The following SMARCA1 variants were observed in gnomAD, a reference collection of about 807,000 sequenced individuals.
The protein encoded by SMARCA1 is SWI/SNF-related matrix-associated actin-dependent regulator of chromatin subfamily A member 1.
SMARCA1 carries 17 observed loss-of-function variants against 93.6 expected under a neutral mutation model. That is an observed-to-expected ratio of 0.18 (90% confidence interval 0.12 to 0.27). The LOEUF (loss-of-function observed/expected upper bound fraction) is 0.27. Ranked by LOEUF, SMARCA1 falls within the 10% of genes least tolerant of loss-of-function variation. The probability of loss-of-function intolerance (pLI) is 1.00; values close to 1 mark genes in which losing one functional copy is unlikely to be tolerated. For missense variants in SMARCA1, 630 were observed against 819.0 expected (o/e 0.77, Z 2.82); for synonymous variants, 271 against 271.4 (o/e 1.00, Z 0.01).
chrX:129,480,512 T>G (rs1351246055), intron 19 of SMARCA1, among the ~76,000 whole-genome samples, 189 bp downstream of exon 19: 1 of 112,333 alleles, frequency 8.9e-6, no homozygotes, highest in Non-Finnish European at 1.9e-5. Flanking sequence ...TAGTGATGAC[T>G]GTACTGGTGA....
At chrX:129,482,873 CTCTACTTGATCTAATCTAAGGGCTGAA>C (rs1178158086) in intron 17 of SMARCA1, among the ~76,000 whole-genome samples, 1 of 111,670 alleles carries the variant, frequency 9.0e-6, no homozygotes, top group African/African-American at 3.3e-5. Flanking sequence ...AGTTGTCTCA[CTCTACTTGATCTAATCTAAGGGCTGAA>C]TTCCAACCTT....
chrX:129,464,013 C>T (rs1294072474), intron 23 of SMARCA1, among the ~76,000 whole-genome samples: 1 of 111,921 alleles, frequency 8.9e-6, no homozygotes, highest in Non-Finnish European at 1.9e-5. Context: ...TTCAACTGAT[C>T]CATCATTCCA....
chrX:129,476,136 T>C (rs1247541727), intron 19 of SMARCA1, among the ~76,000 whole-genome samples: 2 of 112,237 alleles, frequency 1.8e-5, no homozygotes, highest in African/African-American at 6.5e-5. Flanking sequence ...CCTCTTCCAA[T>C]ATAAAGGTTT....
In SMARCA1 at chrX:129,504,569, A is replaced by AAC. The variant is rs1556313746; in HGVS notation, c.1167+164_1167+165insGT. Among the ~76,000 whole-genome samples the AAC allele has an allele frequency of 2.5e-4, 25 of 98,403 alleles. No homozygotes were observed. In the East Asian group the frequency reaches 3.4e-3, roughly 13 times the overall value. The allele number at this position is 98,403 out of a possible 115,157, so 85.5% of individuals were successfully genotyped here. ...AGGAATAAAAAAAAAAAAAAAAAAA[A>AAC]AAAAAAAAAAAACAAAGAGGCTGTC... On this transcript the variant is annotated intron_variant, in intron 9 of 24. Coordinates refer to ENST00000371121, the MANE Select transcript of SMARCA1 (RefSeq NM_001282874.2).
At chrX:129,450,814 G>A (rs1684550017) in intron 23 of SMARCA1, among the ~76,000 whole-genome samples, 1 of 111,214 alleles carries the variant, frequency 9.0e-6, no homozygotes, top group Non-Finnish European at 1.9e-5. Flanking sequence ...CAAATTTTCT[G>A]CAATGAACAT....
chrX:129,463,275 G>T (rs1932837235), intron 23 of SMARCA1, among the ~76,000 whole-genome samples: 1 of 111,437 alleles, frequency 9.0e-6, no homozygotes, highest in African/African-American at 3.3e-5. Flanking sequence ...ACCCCAAATG[G>T]CTAAAAGATT....
Position 129,447,184 on chromosome X carries a change from T to C in SMARCA1, c.3191A>G (p.Asp1064Gly). ...ESATESSGKK[D>G]VKKVKS ...GCTTTAGGATTTCACCTTCTTGACA[T>C]CCTTCTTTCCAGAGCTCTCAGTAGC... is the stretch of plus-strand genomic sequence containing the variant. Residue 1064 changes from aspartate (D) to glycine (G), a missense_variant, in exon 25 of 25, where the codon GAT becomes GGT. Physicochemically the swap from Asp to Gly is moderately conservative, Grantham distance 94 (BLOSUM62 -1). Around this residue, in one of 4 missense-constraint regions of SMARCA1, gnomAD observed 93 missense variants for 160.8 expected, o/e 0.58. Coordinates refer to ENST00000371121, the MANE Select transcript of SMARCA1 (RefSeq NM_001282874.2). 3 of 1,146,963 alleles carry C rather than the reference T, an allele frequency of 2.6e-6. No individual in the cohort carries two copies. The highest frequency in any genetic ancestry group is 3.5e-6 in the Non-Finnish European group (3 of 867,153). 94.5% of individuals were successfully genotyped at this position (1,146,963 alleles called of 1,213,427 possible). A position where few individuals can be genotyped will look rare whatever the true frequency, so the allele number is the denominator to read the frequency against.
chrX:129,459,273 G>A (rs1326134848), intron 23 of SMARCA1, among the ~76,000 whole-genome samples: 2 of 111,157 alleles, frequency 1.8e-5, no homozygotes, highest in Non-Finnish European at 3.8e-5. Flanking sequence ...ACAAAAATCA[G>A]CTGGGCGTGG....
In SMARCA1 at chrX:129,516,465, T is replaced by A; in HGVS notation, c.294A>T (p.Leu98Phe). 8.3e-7 allele frequency: 1 copy of A among 1,207,856 alleles called. No homozygotes were observed. The highest frequency in any genetic ancestry group is 1.1e-6 in the Non-Finnish European group (1 of 893,861). The part of the protein sequence containing the change: ...KADRAKRFEF[L>F]LKQTELFAHF... Reference sequence around the variant, plus strand: ...GTGCAAAAAGTTCTGTCTGCTTCAGTAAAAATTCAAATCTCTTTGCTCGGT... The same window carrying A: ...GTGCAAAAAGTTCTGTCTGCTTCAGAAAAAATTCAAATCTCTTTGCTCGGT... Residue 98 changes from leucine (L) to phenylalanine (F), a missense_variant, in exon 3 of 25, where the codon TTA (leucine) becomes TTT (phenylalanine). Around this residue, in one of 4 missense-constraint regions of SMARCA1, gnomAD observed 382 missense variants for 537.9 expected, o/e 0.71. Transcript: ENST00000371121.
rs189411721 is a variant in SMARCA1, at chrX:129,466,826, C to A, written c.2699-864G>T. On this transcript the variant is annotated intron_variant, in intron 21 of 24. Coordinates refer to ENST00000371121, the MANE Select transcript of SMARCA1 (RefSeq NM_001282874.2). The stretch of plus-strand genomic sequence containing the variant: ...TGTGTTTTTAAACTTACTTGGAATA[C>A]CCTTTTCTCATAAAAAAAAAAAAAA... 1.4e-3 allele frequency among the ~76,000 whole-genome samples: 135 copies of A among 99,460 alleles called. 1 individual carries two copies. The highest frequency in any genetic ancestry group is 2.5e-3 in the Non-Finnish European group (128 of 50,495). The allele number at this position is 99,460 out of a possible 115,157, so 86.4% of individuals were successfully genotyped here.
chrX:129,461,069 CTCTT>C (rs1361398763), intron 23 of SMARCA1, among the ~76,000 whole-genome samples: 6 of 111,719 alleles, frequency 5.4e-5, no homozygotes, highest in Admixed American at 9.5e-5. Context: ...GTATGTGATT[CTCTT>C]TCTGAGATGC....
chrX:129,471,399 C>G (rs1176814000), intron 19 of SMARCA1, 73 bp from the exon 20 acceptor site: 28 of 663,997 alleles, frequency 4.2e-5, no homozygotes, highest in Non-Finnish European at 6.2e-5. Flanking sequence ...ATACACATAT[C>G]AATCTTTAGA....
Position 129,468,777 on chromosome X carries a change from A to G in SMARCA1, c.2694T>C (p.Tyr898=), listed in dbSNP as rs762586961. Reference sequence around the variant, plus strand: ...TGTTTCAAATTATATACAAACCTGAATACTCCATGACCTCCTCAGGGGATT... The same window carrying G: ...TGTTTCAAATTATATACAAACCTGAGTACTCCATGACCTCCTCAGGGGATT... ...EGKSPEEVME[Y]SAVFWERCNE... is the part of the protein sequence containing the mutation. Residue 898 remains tyrosine (Y), a synonymous_variant, in exon 21 of 25, where the codon TAT becomes TAC. Transcript: ENST00000371121. 3.3e-5 allele frequency: 39 copies of G among 1,172,958 alleles called. No individual in the cohort carries two copies. The East Asian group carries it at 1.2e-3, about 35-fold the overall frequency.
At chrX:129,471,708 G>T (rs1395815085) in intron 19 of SMARCA1, among the ~76,000 whole-genome samples, 3 of 112,214 alleles carry the variant, frequency 2.7e-5, no homozygotes, top group Admixed American at 9.4e-5. Flanking sequence ...CAACGCACCT[G>T]AACATTACAT....
intron 1 of SMARCA1, 73 bp downstream of exon 1, chrX:129,523,124 G>A (rs1935471907): frequency 1.8e-6 from 2 of 1,104,116 alleles, no homozygotes; most frequent in East Asian, 3.2e-5. Context: ...GCGCCGAAAG[G>A]TCAGGGTTTG....
intron 23 of SMARCA1, 129 bp downstream of exon 23, chrX:129,465,391 C>CAG: frequency 2.1e-6 from 1 of 470,331 alleles, no homozygotes; most frequent in Non-Finnish European, 3.7e-6. Flanking sequence ...CACATACACA[C>CAG]AGAGAGAGAG....
chrX:129,502,994 C>G (rs904961318), intron 9 of SMARCA1, among the ~76,000 whole-genome samples: 1 of 111,915 alleles, frequency 8.9e-6, no homozygotes, highest in Non-Finnish European at 1.9e-5. Flanking sequence ...ACCTCTTCCA[C>G]TCAAACAGAA....
intron 1 of SMARCA1, among the ~76,000 whole-genome samples, chrX:129,522,161 C>T (rs1409975472): frequency 9.0e-6 from 1 of 111,384 alleles, no homozygotes; most frequent in East Asian, 2.8e-4. Context: ...AATTTTTCAA[C>T]GTTTTATAGT....
rs1426548431 is a variant in SMARCA1, at chrX:129,494,056, CT to C, written c.1627-982del. Reference sequence around the variant, plus strand: ...CATTTCCAAGAAGAAAGGAACAGCTCTGACTTTGCTATATTTAAAGTCAATA... The same window carrying C: ...CATTTCCAAGAAGAAAGGAACAGCTCGACTTTGCTATATTTAAAGTCAATA... On this transcript the variant is annotated intron_variant, in intron 12 of 24. Coordinates refer to ENST00000371121, the MANE Select transcript of SMARCA1 (RefSeq NM_001282874.2). Among the ~76,000 whole-genome samples, 6 of 112,159 alleles carry C rather than the reference CT, an allele frequency of 5.3e-5. No homozygotes were observed. The Admixed American group carries it at 5.7e-4, about 11-fold the overall frequency.
Sources: gnomAD v4.1 joint callset for allele counts (sites outside exome capture counted in the v4.1 genomes callset) on GRCh38, gnomAD v4.1.1 for gene constraint, gnomAD v4.1.1 regional missense constraint, MANE v1.5 for transcripts, NCBI Gene and HGNC (gene_info 2026-07-23, HGNC 2026-07-21) for gene names.